The following ANK2 variants were observed in gnomAD, a reference collection of about 807,000 sequenced individuals.
ANK2 encodes the protein ankyrin 2, also known as ankyrin-2.
Under a neutral mutation model 360.5 loss-of-function variants are expected in ANK2, and 83 were observed. The observed-to-expected ratio is 0.23, with a 90% confidence interval of 0.19 to 0.28. The LOEUF (loss-of-function observed/expected upper bound fraction) is 0.28, where lower values mean the gene tolerates loss of function less well. Among genes scored for constraint, ANK2 ranks in the 10% least tolerant of loss-of-function variants. The pLI, the probability that ANK2 is intolerant of heterozygous loss-of-function variation, is 1.00. For missense variants in ANK2, 4,201 were observed against 4,795.7 expected (o/e 0.88, Z 3.66); for synonymous variants, 1,740 against 1,759.5 (o/e 0.99, Z 0.28).
At chr4:113,343,641 A>G (rs573294721) in intron 34 of ANK2, among the ~76,000 whole-genome samples, 33 of 152,302 alleles carry the variant, frequency 2.2e-4, no homozygotes, top group Non-Finnish European at 2.8e-4. Flanking sequence ...GCATGGAGAC[A>G]TTTGTGTGCA....
intron 14 of ANK2, among the ~76,000 whole-genome samples, chr4:113,272,415 T>C (rs29401): frequency 0.35 from 53,587 of 152,058 alleles, 10,507 homozygotes; most frequent in African/African-American, 0.5. Flanking sequence ...TTCTTTTCCC[T>C]GGTTTAAATT....
intron 13 of ANK2, among the ~76,000 whole-genome samples, chr4:113,264,186 C>T (rs1271563492): frequency 6.6e-6 from 1 of 150,714 alleles, no homozygotes; most frequent in African/African-American, 2.4e-5. Context: ...CCATTTTTGT[C>T]TAGTCTCATA....
chr4:112,753,861 G>A, the ANK2 span, among the ~76,000 whole-genome samples: 2 of 152,050 alleles, frequency 1.3e-5, no homozygotes, highest in African/African-American at 4.8e-5. Context: ...ACTTTGGGAG[G>A]CCAAGGAGGG....
At chr4:113,233,724 T>TAA (rs968088503) in intron 5 of ANK2, among the ~76,000 whole-genome samples, 3 of 148,186 alleles carry the variant, frequency 2.0e-5, no homozygotes, top group African/African-American at 4.9e-5. Flanking sequence ...TCTCGTTAGT[T>TAA]AAAAAAAAAA....
At chr4:112,878,720 G>A (rs1295189145) in intron 1 of ANK2, among the ~76,000 whole-genome samples, 1 of 151,886 alleles carries the variant, frequency 6.6e-6, no homozygotes, top group Admixed American at 6.6e-5. Flanking sequence ...TACAAGCTCC[G>A]CCTCTCGTGT....
At chr4:113,237,253 A>G (rs1179176833) in intron 6 of ANK2, 81 bp downstream of exon 6, 13 of 1,464,682 alleles carry the variant, frequency 8.9e-6, no homozygotes, top group Admixed American at 1.7e-5. Context: ...GAAGTAGGCC[A>G]TGGTGATAAT....
At chr4:113,188,075 A>T (rs1255801120) in intron 2 of ANK2, among the ~76,000 whole-genome samples, 3 of 152,186 alleles carry the variant, frequency 2.0e-5, no homozygotes, top group Admixed American at 2.0e-4. Context: ...GATACATATG[A>T]AAATCAATTG....
chr4:112,754,316 C>G, the ANK2 span, among the ~76,000 whole-genome samples: 363 of 151,068 alleles, frequency 2.4e-3, 4 homozygotes, highest in Non-Finnish European at 3.4e-3. Context: ...AGCCAAAGCC[C>G]CTTTCTGGGC....
the ANK2 span, among the ~76,000 whole-genome samples, chr4:112,808,753 C>G: frequency 1.3e-5 from 2 of 152,164 alleles, no homozygotes; most frequent in Admixed American, 1.3e-4. Flanking sequence ...GAAAATGACA[C>G]TGGTACAGAC....
intron 1 of ANK2, among the ~76,000 whole-genome samples, chr4:113,161,572 T>G (rs992689687): frequency 6.6e-6 from 1 of 152,140 alleles, no homozygotes; most frequent in East Asian, 1.9e-4. Context: ...TCACATCCAA[T>G]GAGGATAAAG....
intron 1 of ANK2, among the ~76,000 whole-genome samples, chr4:113,063,219 G>C (rs143432393): frequency 6.6e-6 from 1 of 152,044 alleles, no homozygotes; most frequent in Admixed American, 6.6e-5. Flanking sequence ...CACCAAATTT[G>C]TTATGTGTTT....
intron 9 of ANK2, among the ~76,000 whole-genome samples, chr4:113,244,256 TCC>T (rs55709567): frequency 0.67 from 101,884 of 151,710 alleles, 34,954 homozygotes; most frequent in South Asian, 0.78. Flanking sequence ...ACTATTGAGT[TCC>T]TACTTGGTGC....
At chr4:112,825,373 T>G (rs2058195523) in intron 1 of ANK2, among the ~76,000 whole-genome samples, 1 of 152,040 alleles carries the variant, frequency 6.6e-6, no homozygotes. Flanking sequence ...AAAAAGACTA[T>G]CCACTGTCCT....
intron 2 of ANK2, among the ~76,000 whole-genome samples, chr4:112,966,001 T>C (rs1048811763): frequency 1.3e-5 from 2 of 151,884 alleles, no homozygotes; most frequent in East Asian, 3.8e-4. Context: ...TTAATGATAC[T>C]TTTAAATTTA....
At chr4:112,711,020 G>A in the ANK2 span, among the ~76,000 whole-genome samples, 1 of 150,620 alleles carries the variant, frequency 6.6e-6, no homozygotes, top group East Asian at 1.9e-4. Context: ...AAACTCCTCA[G>A]CTCAAGTGAT....
chr4:112,976,725 C>A (rs1418869157), intron 2 of ANK2, among the ~76,000 whole-genome samples: 1 of 151,142 alleles, frequency 6.6e-6, no homozygotes, highest in Non-Finnish European at 1.5e-5. Context: ...CTTTTTTTTC[C>A]CCTTTAAGAG....
At chr4:113,362,309 G>A (rs944577118) in intron 39 of ANK2, among the ~76,000 whole-genome samples, 16 of 152,084 alleles carry the variant, frequency 1.1e-4, no homozygotes, top group Non-Finnish European at 1.2e-4. Flanking sequence ...GAAAAGATAC[G>A]TATATTTTTA....
chr4:113,317,463 A>T, intron 24 of ANK2: 1 of 534,928 alleles, frequency 1.9e-6, no homozygotes, highest in East Asian at 3.4e-5. Context: ...TCAGATTAGG[A>T]GTATCAAATT....
chr4:112,770,843 C>A, the ANK2 span, among the ~76,000 whole-genome samples: 1 of 152,188 alleles, frequency 6.6e-6, no homozygotes, highest in Non-Finnish European at 1.5e-5. Flanking sequence ...ACTTTCCCGC[C>A]CCATAGTGAT....
Sources: allele counts gnomAD v4.1 joint callset (sites outside exome capture counted in the v4.1 genomes callset), GRCh38; gene constraint gnomAD v4.1.1; transcripts MANE v1.5; gene names NCBI Gene and HGNC (gene_info 2026-07-23, HGNC 2026-07-21).